FOXA3: variants seen among roughly 807,000 people sequenced by gnomAD.
FOXA3 encodes the protein hepatocyte nuclear factor 3-gamma.
FOXA3 carries 11 observed loss-of-function variants against 16.9 expected under a neutral mutation model. The observed-to-expected ratio is 0.65, with a 90% CI of 0.41 to 1.08. The LOEUF (loss-of-function observed/expected upper bound fraction) is 1.08. Ranked by LOEUF, FOXA3 falls within the 50% of genes least tolerant of loss-of-function variation. The pLI is 0.00. For synonymous variants in FOXA3, 217 were observed against 203.3 expected, an observed-to-expected ratio of 1.07 and a Z score of -0.57; for missense variants, 423 against 470.1, an observed-to-expected ratio of 0.90 and a Z score of 0.93.
At position 45,864,334 on chromosome 19, in the gene FOXA3, C is replaced by A. The variant is rs1972053584; in HGVS notation, c.-123C>A. 2.5e-6 allele frequency: 2 copies of A among 807,130 alleles called. No homozygotes were observed. The highest frequency in any genetic ancestry group is 1.8e-5 in the African/African-American group (1 of 55,986). The allele number at this position is 807,130 out of a possible 1,614,324, so 50.0% of individuals were successfully genotyped here. On this transcript the variant is annotated 5_prime_UTR_variant, in exon 1 of 2. Coordinates refer to ENST00000302177, the MANE Select transcript of FOXA3 (RefSeq NM_004497.3). ...CGCCTCCCGCGGCGCTCGGGACAGC[C>A]GTACCCCGGGCGGTCGGACGGGCGG...
intron 1 of FOXA3, among the ~76,000 whole-genome samples, chr19:45,870,900 G>T (rs1568634222): frequency 6.6e-6 from 1 of 151,932 alleles, no homozygotes; most frequent in Non-Finnish European, 1.5e-5. Context: ...AACAGCCTGG[G>T]CAACATGGTG....
intron 1 of FOXA3, among the ~76,000 whole-genome samples, chr19:45,868,017 A>G (rs1198964776): frequency 6.6e-6 from 1 of 151,014 alleles, no homozygotes; most frequent in Non-Finnish European, 1.5e-5. Flanking sequence ...GGGTGGAGAC[A>G]GAAGGGAAAA....
In FOXA3 at chr19:45,872,834, G is replaced by A. The variant is rs762659076; in HGVS notation, c.829G>A (p.Ala277Thr). ...DVGALDCGSP[A>T]SSTPYFTGLE... ...GGGGGCTCTGGACTGTGGCTCACCCGCTTCCTCCACACCCTATTTCACTGG... is the reference window on the plus strand; with the variant it reads ...GGGGGCTCTGGACTGTGGCTCACCCACTTCCTCCACACCCTATTTCACTGG... The change falls in exon 2 of 2, where the codon GCT becomes ACT. Residue 277 changes from alanine to threonine, a missense_variant. Physicochemically the swap from Ala to Thr is moderately conservative, Grantham distance 58. Around this residue, in one of 3 missense-constraint regions of FOXA3, gnomAD observed 168 missense variants for 179.3 expected, o/e 0.94. Coordinates refer to ENST00000302177, the MANE Select transcript of FOXA3 (RefSeq NM_004497.3). The surrounding 1 kb of genome is among the most constrained non-coding windows in gnomAD (Gnocchi z 4.5). 55 of 1,613,008 alleles carry A rather than the reference G, an allele frequency of 3.4e-5. No homozygotes were observed. Among genetic ancestry groups the A allele is most frequent in the Middle Eastern group, 3.3e-4 (2 of 6,084 alleles).
intron 1 of FOXA3, among the ~76,000 whole-genome samples, chr19:45,868,201 G>C (rs1440402057): frequency 6.6e-6 from 1 of 152,080 alleles, no homozygotes; most frequent in East Asian, 1.9e-4. Flanking sequence ...CTCAGACTTA[G>C]GGTTGAGTTG....
chr19:45,869,178 AC>A lies in FOXA3; in HGVS notation c.70-2889del, dbSNP rs1032537228. The stretch of plus-strand genomic sequence containing the variant: ...CCGACCTCAAGCGATCCGCACCCCC[AC>A]CCCCCCCACCTCAGCCTCCCAAAGT... On this transcript the variant is annotated intron_variant, in intron 1 of 1. Coordinates refer to ENST00000302177, the MANE Select transcript of FOXA3 (RefSeq NM_004497.3). Among the ~76,000 whole-genome samples, 10 of 132,674 alleles carry A rather than the reference AC, an allele frequency of 7.5e-5. 1 individual carries two copies. The highest frequency in any genetic ancestry group is 2.6e-4 in the South Asian group (1 of 3,780). The allele number at this position is 132,674 out of a possible 152,430, so 87.0% of individuals were successfully genotyped here.
Position 45,873,233 on chromosome 19 carries a change from G to A in FOXA3, c.*175G>A. ...ATGGTGTTGATCCACGGGGTACTGT[G>A]ATAACCACCATGGATACATTTTGGT... On this transcript the variant is annotated 3_prime_UTR_variant, in exon 2 of 2. Transcript: ENST00000302177. 2 of 1,004,964 alleles carry A rather than the reference G, an allele frequency of 2.0e-6. No individual in the cohort carries two copies. The highest frequency in any genetic ancestry group is 2.9e-6 in the Non-Finnish European group (2 of 693,636). The allele number at this position is 1,004,964 out of a possible 1,614,324, so 62.3% of individuals were successfully genotyped here. A position where few individuals can be genotyped will look rare whatever the true frequency, so the allele number is the denominator to read the frequency against.
rs1404739019 is a variant in FOXA3 at position 45,864,545 on chromosome 19, G to A, written c.69+20G>A. The A allele has an allele frequency of 6.6e-7, 1 of 1,512,900 alleles. No homozygotes were observed. The highest frequency in any genetic ancestry group is 8.9e-7 in the Non-Finnish European group (1 of 1,125,400). 93.7% of individuals were successfully genotyped at this position (1,512,900 alleles called of 1,614,324 possible). A position where few individuals can be genotyped will look rare whatever the true frequency, so the allele number is the denominator to read the frequency against. ...GGCGAGGTGTGTCCTCGGGGATGGC[G>A]GAGCGGGAAGTTGGGGGCAGGTATC... On this transcript the variant is annotated intron_variant, in intron 1 of 1. Coordinates refer to ENST00000302177, the MANE Select transcript of FOXA3 (RefSeq NM_004497.3).
At chr19:45,866,269 TAGTC>T (rs969710584) in intron 1 of FOXA3, among the ~76,000 whole-genome samples, 1 of 151,868 alleles carries the variant, frequency 6.6e-6, no homozygotes, top group Non-Finnish European at 1.5e-5. Flanking sequence ...TTTTTTTAAT[TAGTC>T]AGGCATGCCT....
In FOXA3 at chr19:45,872,557, G is replaced by T; in HGVS notation, c.552G>T (p.Lys184Asn). 1 of 1,614,150 alleles carries T rather than the reference G, an allele frequency of 6.2e-7. No individual in the cohort carries two copies. Among genetic ancestry groups the T allele is most frequent in the Non-Finnish European group, 8.5e-7 (1 of 1,180,018 alleles). The change falls in exon 2 of 2, where the codon AAG becomes AAT. Residue 184 changes from lysine to asparagine, a missense_variant. Physicochemically the swap from Lys to Asn is moderately conservative, Grantham distance 94 (BLOSUM62 0). Transcript: ENST00000302177. This position sits in a 1 kb window ranked among gnomAD's most constrained non-coding sequence, Gnocchi z 4.5. The stretch of plus-strand genomic sequence containing the variant: ...TCAAGGTGGCGCGTTCCCCAGACAA[G>T]CCTGGCAAGGGCTCCTACTGGGCCC... ...CFVKVARSPD[K>N]PGKGSYWALH...
At position 45,872,640 on chromosome 19, in the gene FOXA3, G is replaced by A. The variant is rs1018297057; in HGVS notation, c.635G>A (p.Arg212His). The A allele has an allele frequency of 6.2e-7, 1 of 1,613,606 alleles. No homozygotes were observed. The highest frequency in any genetic ancestry group is 1.3e-5 in the African/African-American group (1 of 74,906). Residue 212 changes from arginine (R) to histidine (H), a missense_variant, in exon 2 of 2, where the codon CGC becomes CAC. Arg to His is a conservative substitution (Grantham distance 29). This residue lies in a region of FOXA3 where 85 missense variants were observed against 136.9 expected (regional missense o/e 0.62). Transcript: ENST00000302177. This position sits in a 1 kb window ranked among gnomAD's most constrained non-coding sequence, Gnocchi z 4.5. ...ENGCYLRRQK[R>H]FKLEEKVKKG... ...GGCTGCTACCTGCGCCGCCAGAAAC[G>A]CTTCAAGCTGGAGGAGAAGGTGAAA...
chr19:45,865,225 C>G (rs1222683554), intron 1 of FOXA3, among the ~76,000 whole-genome samples: 1 of 152,058 alleles, frequency 6.6e-6, no homozygotes, highest in Non-Finnish European at 1.5e-5. Context: ...TACCCATGAC[C>G]CTCCGCAGGG....
Position 45,873,229 on chromosome 19 carries a change from C to A in FOXA3, c.*171C>A. On this transcript the variant is annotated 3_prime_UTR_variant, in exon 2 of 2. Transcript: ENST00000302177. ...GGGCATGGTGTTGATCCACGGGGTA[C>A]TGTGATAACCACCATGGATACATTT... is the stretch of plus-strand genomic sequence containing the variant. 1 of 1,023,734 alleles carries A rather than the reference C, an allele frequency of 9.8e-7. No individual in the cohort carries two copies. Among genetic ancestry groups the A allele is most frequent in the Non-Finnish European group, 1.4e-6 (1 of 710,200 alleles). The allele number at this position is 1,023,734 out of a possible 1,614,324, so 63.4% of individuals were successfully genotyped here. A position where few individuals can be genotyped will look rare whatever the true frequency, so the allele number is the denominator to read the frequency against.
rs781749934 is a variant in FOXA3, at chr19:45,864,417, G to C, written c.-40G>C. 4.4e-6 allele frequency: 6 copies of C among 1,375,602 alleles called. No individual in the cohort carries two copies. Among genetic ancestry groups the C allele is most frequent in the African/African-American group, 3.0e-5 (2 of 66,822 alleles). 85.2% of individuals were successfully genotyped at this position (1,375,602 alleles called of 1,614,324 possible). A position where few individuals can be genotyped will look rare whatever the true frequency, so the allele number is the denominator to read the frequency against. The stretch of plus-strand genomic sequence containing the variant: ...GAGATCCAGAGCGCTCCGTTCCCCC[G>C]GGGCCGGAGCGGGGGCGGGTGGGGG... On this transcript the variant is annotated 5_prime_UTR_variant, in exon 1 of 2. Coordinates refer to ENST00000302177, the MANE Select transcript of FOXA3 (RefSeq NM_004497.3).
Position 45,872,014 on chromosome 19 carries a change from G to A in FOXA3, c.70-61G>A, listed in dbSNP as rs1330941734. 2.1e-5 allele frequency: 33 copies of A among 1,543,384 alleles called. No individual in the cohort carries two copies. The highest frequency in any genetic ancestry group is 2.9e-5 in the Non-Finnish European group (33 of 1,127,434). On this transcript the variant is annotated intron_variant, in intron 1 of 1. Transcript: ENST00000302177. This position sits in a 1 kb window ranked among gnomAD's most constrained non-coding sequence, Gnocchi z 4.5. ...ACAGACGGACACTCAGTGGGTCCTG[G>A]GATCCTTTGCTGACCAGCAGAGTGG...
At position 45,872,553 on chromosome 19, in the gene FOXA3, A is replaced by T. The variant is rs1461378487; in HGVS notation, c.548A>T (p.Asp183Val). The change falls in exon 2 of 2, where the codon GAC becomes GTC. Residue 183 changes from aspartate (D) to valine (V), a missense_variant. Physicochemically the swap from Asp to Val is radical, Grantham distance 152 (BLOSUM62 -3). Around this residue, in one of 3 missense-constraint regions of FOXA3, gnomAD observed 85 missense variants for 136.9 expected, o/e 0.62. Coordinates refer to ENST00000302177, the MANE Select transcript of FOXA3 (RefSeq NM_004497.3). This position sits in a 1 kb window ranked among gnomAD's most constrained non-coding sequence, Gnocchi z 4.5. ...TTCGTCAAGGTGGCGCGTTCCCCAG[A>T]CAAGCCTGGCAAGGGCTCCTACTGG... ...DCFVKVARSP[D>V]KPGKGSYWAL... 2 of 1,614,014 alleles carry T rather than the reference A, an allele frequency of 1.2e-6. No homozygotes were observed. Among genetic ancestry groups the T allele is most frequent in the East Asian group, 4.5e-5 (2 of 44,896 alleles).
Position 45,873,115 on chromosome 19 carries a change from G to A in FOXA3, c.*57G>A, listed in dbSNP as rs1022375237. 1.3e-6 allele frequency: 2 copies of A among 1,552,698 alleles called. No individual in the cohort carries two copies. The highest frequency in any genetic ancestry group is 1.7e-6 in the Non-Finnish European group (2 of 1,147,784). On this transcript the variant is annotated 3_prime_UTR_variant, in exon 2 of 2. Transcript: ENST00000302177. ...TGGAGCTCACACCACGAAGCTCTTGGGGCCTGATCCTTCTGGTGACACTTC... is the reference window on the plus strand; with the variant it reads ...TGGAGCTCACACCACGAAGCTCTTGAGGCCTGATCCTTCTGGTGACACTTC...
intron 1 of FOXA3, among the ~76,000 whole-genome samples, chr19:45,868,541 C>T (rs1197113073): frequency 2.7e-5 from 4 of 149,062 alleles, no homozygotes; most frequent in African/African-American, 1.0e-4. Flanking sequence ...GATTGCACCA[C>T]TGCACTCCAG....
intron 1 of FOXA3, among the ~76,000 whole-genome samples, chr19:45,865,971 C>A (rs955732554): frequency 1.3e-5 from 2 of 152,146 alleles, no homozygotes; most frequent in African/African-American, 4.8e-5. Context: ...AGGGAACCAC[C>A]TACAGACCAA....
At chr19:45,865,430 C>T (rs1972075731) in intron 1 of FOXA3, among the ~76,000 whole-genome samples, 1 of 152,076 alleles carries the variant, frequency 6.6e-6, no homozygotes, top group East Asian at 1.9e-4. Context: ...AGTCTGACCC[C>T]CATTCGTCTT....
Sources: allele counts gnomAD v4.1 joint callset (sites outside exome capture counted in the v4.1 genomes callset), GRCh38; gene constraint gnomAD v4.1.1; regional missense constraint gnomAD v4.1.1; non-coding constraint Gnocchi (gnomAD v3.1); transcripts MANE v1.5; gene names NCBI Gene and HGNC (gene_info 2026-07-23, HGNC 2026-07-21).